GPHN: variants seen among roughly 807,000 people sequenced by gnomAD.
The protein encoded by GPHN is gephyrin.
Under a neutral mutation model 95.5 loss-of-function variants are expected in GPHN, and 17 were observed. That is an observed-to-expected ratio of 0.18 (90% CI 0.12 to 0.27). GPHN has a LOEUF of 0.27. Ranked by LOEUF, GPHN falls within the 10% of genes least tolerant of loss-of-function variation. The pLI is 1.00. For synonymous variants in GPHN, 320 were observed against 322.5 expected (o/e 0.99, Z 0.08); for missense variants, 660 against 978.1 (o/e 0.67, Z 4.34).
intron 11 of GPHN, among the ~76,000 whole-genome samples, chr14:67,073,087 C>T (rs2076370545): frequency 6.6e-6 from 1 of 151,450 alleles, no homozygotes. Flanking sequence ...AATTAATGGC[C>T]ACAGTAATAT....
the GPHN span, chr14:67,359,533 A>T: frequency 1.8e-5 from 20 of 1,103,058 alleles, no homozygotes; most frequent in Admixed American, 4.5e-4. Context: ...ACTCAAGAAA[A>T]GAACCTGGGA....
At chr14:67,001,565 C>A (rs971493280) in intron 9 of GPHN, among the ~76,000 whole-genome samples, 9 of 151,702 alleles carry the variant, frequency 5.9e-5, no homozygotes, top group African/African-American at 2.2e-4. Context: ...TTATCTTTTA[C>A]TCTTTCTTGT....
chr14:67,326,642 T>C, the GPHN span, among the ~76,000 whole-genome samples: 3 of 152,130 alleles, frequency 2.0e-5, no homozygotes, highest in African/African-American at 7.2e-5. Flanking sequence ...CTCCATTCTT[T>C]CTTTCTGGCA....
intron 9 of GPHN, chr14:66,985,656 T>G (rs780788152): frequency 6.7e-7 from 1 of 1,487,204 alleles, no homozygotes; most frequent in South Asian, 1.2e-5. Flanking sequence ...TATTCTGTCT[T>G]TCTTACCCAT....
chr14:67,340,550 A>G, the GPHN span: 1 of 1,558,200 alleles, frequency 6.4e-7, no homozygotes, highest in African/African-American at 1.4e-5. Flanking sequence ...TATGTGTGAG[A>G]ACTTCAAACC....
chr14:66,508,262 G>GC lies in GPHN; in HGVS notation c.-260dup. The GC allele has an allele frequency of 8.8e-6, 5 of 565,550 alleles. No individual in the cohort carries two copies. The highest frequency in any genetic ancestry group is 1.6e-5 in the Non-Finnish European group (5 of 315,896). 35.0% of individuals were successfully genotyped at this position (565,550 alleles called of 1,614,324 possible). ...CGCGCTCTCCCCGTGCGGCCACCGC[G>GC]CCCCCCAAGCTTGCCTCCTTCTTGC... is the stretch of plus-strand genomic sequence containing the variant. On this transcript the variant is annotated 5_prime_UTR_variant, in exon 1 of 23. Coordinates refer to ENST00000478722, the MANE Select transcript of GPHN (RefSeq NM_020806.5).
the GPHN span, among the ~76,000 whole-genome samples, chr14:67,316,203 AAAGAAAAC>A: frequency 6.6e-6 from 1 of 152,206 alleles, no homozygotes; most frequent in Non-Finnish European, 1.5e-5. Context: ...AGAAGTCGGA[AAAGAAAAC>A]CTCTTTCAAG....
At chr14:67,457,100 G>C in the GPHN span, among the ~76,000 whole-genome samples, 16 of 152,272 alleles carry the variant, frequency 1.1e-4, no homozygotes, top group Admixed American at 9.2e-4. Context: ...ACATAAAGAA[G>C]GGAACAATAG....
chr14:67,280,251 T>TTTATTGAC, the GPHN span, among the ~76,000 whole-genome samples: 1 of 152,226 alleles, frequency 6.6e-6, no homozygotes, highest in African/African-American at 2.4e-5. Flanking sequence ...TTAGAATATT[T>TTTATTGAC]AATCATTGAA....
At chr14:66,752,326 G>C (rs775730741) in intron 2 of GPHN, among the ~76,000 whole-genome samples, 67 of 152,108 alleles carry the variant, frequency 4.4e-4, no homozygotes, top group Non-Finnish European at 3.5e-4. Context: ...TGCCATAAGA[G>C]AAGGTTATCT....
the GPHN span, chr14:67,646,597 G>A: frequency 2.7e-6 from 4 of 1,457,430 alleles, no homozygotes; most frequent in Non-Finnish European, 3.8e-6. Flanking sequence ...TGATCTTGGT[G>A]AGAACAAGAA....
At chr14:66,756,959 T>TA (rs1398296311) in intron 2 of GPHN, among the ~76,000 whole-genome samples, 1 of 152,232 alleles carries the variant, frequency 6.6e-6, no homozygotes, top group African/African-American at 2.4e-5. Context: ...GTCTTTGAAT[T>TA]ACCTGAATTA....
At chr14:66,830,137 T>C (rs1052385462) in intron 4 of GPHN, among the ~76,000 whole-genome samples, 1 of 152,160 alleles carries the variant, frequency 6.6e-6, no homozygotes, top group Admixed American at 6.5e-5. Flanking sequence ...TCTGATGCTT[T>C]GCAAAAAAAG....
the GPHN span, among the ~76,000 whole-genome samples, chr14:67,235,313 T>G: frequency 2.6e-5 from 4 of 152,182 alleles, no homozygotes; most frequent in Admixed American, 2.0e-4. Flanking sequence ...TTTATAGCCC[T>G]TTTCAAGCAG....
intron 10 of GPHN, among the ~76,000 whole-genome samples, chr14:67,047,593 T>C (rs1289481287): frequency 6.6e-6 from 1 of 152,184 alleles, no homozygotes; most frequent in East Asian, 1.9e-4. Context: ...CTCAAACTCC[T>C]GAGTTCAGGC....
intron 1 of GPHN, among the ~76,000 whole-genome samples, chr14:66,616,132 G>A (rs148866522): frequency 7.9e-4 from 119 of 151,542 alleles, no homozygotes; most frequent in African/African-American, 2.7e-3. Context: ...TTGAACTCAA[G>A]TAGTATGATG....
At chr14:66,594,414 A>G (rs1299198083) in intron 1 of GPHN, among the ~76,000 whole-genome samples, 1 of 152,198 alleles carries the variant, frequency 6.6e-6, no homozygotes, top group African/African-American at 2.4e-5. Context: ...TGCTTTGAAA[A>G]TCTACTACAA....
At chr14:67,251,295 G>A in the GPHN span, among the ~76,000 whole-genome samples, 1 of 152,208 alleles carries the variant, frequency 6.6e-6, no homozygotes, top group Non-Finnish European at 1.5e-5. Flanking sequence ...GTATTTTGGA[G>A]GCCGAGGCAG....
chr14:67,423,016 T>G, the GPHN span, among the ~76,000 whole-genome samples: 2 of 151,866 alleles, frequency 1.3e-5, no homozygotes. Context: ...TTTTTTTTAG[T>G]AGAGACGGGT....
Sources: gnomAD v4.1 joint callset for allele counts (sites outside exome capture counted in the v4.1 genomes callset) on GRCh38, gnomAD v4.1.1 for gene constraint, MANE v1.5 for transcripts, NCBI Gene and HGNC (gene_info 2026-07-23, HGNC 2026-07-21) for gene names.